Variants in MAGEC3 observed in about 807,000 individuals in gnomAD.
The protein encoded by MAGEC3 is MAGE family member C3, also known as melanoma-associated antigen C3.
A neutral mutation model predicts 35.3 loss-of-function variants in MAGEC3; 34 were observed. The ratio of observed to expected loss-of-function variants is 0.96; its 90% CI spans 0.73 to 1.28. The LOEUF (loss-of-function observed/expected upper bound fraction) is 1.28, where lower values mean the gene tolerates loss of function less well. MAGEC3 is among the 50% of genes most tolerant of loss of function. MAGEC3 has a pLI of 0.00. For missense variants in MAGEC3, 561 were observed against 483.6 expected (o/e 1.16, Z -1.50); for synonymous variants, 202 against 185.6 (o/e 1.09, Z -0.72).
At chrX:141,852,604 C>T (rs2017757894) in intron 1 of MAGEC3, among the ~76,000 whole-genome samples, 1 of 110,571 alleles carries the variant, frequency 9.0e-6, no homozygotes, top group Non-Finnish European at 1.9e-5. Flanking sequence ...GAGGGTGTTT[C>T]TCTCTATTCC....
At chrX:141,882,429 A>AG (rs1433870221) in intron 4 of MAGEC3, among the ~76,000 whole-genome samples, 1 of 112,101 alleles carries the variant, frequency 8.9e-6, no homozygotes, top group Non-Finnish European at 1.9e-5. Context: ...GTAAAAAAAA[A>AG]TGGAAAAAGC....
chrX:141,869,147 G>A (rs1203613533), intron 2 of MAGEC3, among the ~76,000 whole-genome samples: 2 of 110,908 alleles, frequency 1.8e-5, no homozygotes, highest in Non-Finnish European at 3.8e-5. Context: ...GTCTCCCAAA[G>A]TGCTGGGATT....
intron 4 of MAGEC3, among the ~76,000 whole-genome samples, chrX:141,884,154 G>T (rs1252349741): frequency 8.8e-6 from 1 of 113,018 alleles, no homozygotes; most frequent in Non-Finnish European, 1.9e-5. Flanking sequence ...GTCTGTGAGG[G>T]TGTTGCCAAA....
chrX:141,847,819 C>T (rs1420919633), intron 1 of MAGEC3, among the ~76,000 whole-genome samples: 1 of 110,398 alleles, frequency 9.1e-6, no homozygotes, highest in African/African-American at 3.3e-5. Context: ...AAAAGAAGAG[C>T]AAATTAAATC....
rs2017952051 is a variant in MAGEC3 at position 141,880,150 on chromosome X, G to A, written c.515+719G>A. On this transcript the variant is annotated intron_variant, in intron 3 of 7. Coordinates refer to ENST00000298296, the MANE Select transcript of MAGEC3 (RefSeq NM_138702.1). ...CAGGGAGCTGCCTCCAGTTGGCAGA[G>A]GGAAGATTCCCAGGCCCTGCTGGGG... Among the ~76,000 whole-genome samples the A allele has an allele frequency of 3.6e-5, 4 of 111,584 alleles. No individual in the cohort carries two copies. In the South Asian group the frequency reaches 1.5e-3, roughly 42 times the overall value.
At chrX:141,866,923 T>C (rs908337217) in intron 2 of MAGEC3, among the ~76,000 whole-genome samples, 2 of 111,582 alleles carry the variant, frequency 1.8e-5, no homozygotes, top group Non-Finnish European at 3.8e-5. Context: ...GAAATAGACA[T>C]TCACAAAACA....
intron 2 of MAGEC3, among the ~76,000 whole-genome samples, chrX:141,869,204 G>T (rs973659400): frequency 9.0e-6 from 1 of 111,377 alleles, no homozygotes; most frequent in African/African-American, 3.3e-5. Context: ...TTTTTTAAAG[G>T]AGAGCATACC....
In MAGEC3 at chrX:141,846,206, GT is replaced by G. The variant is rs11414468; in HGVS notation, c.123+7783del. Among the ~76,000 whole-genome samples the G allele has an allele frequency of 7.2e-3, 668 of 92,539 alleles. 2 individuals carry two copies. The highest frequency in any genetic ancestry group is 0.016 in the African/African-American group (426 of 26,019). The allele number at this position is 92,539 out of a possible 115,157, so 80.4% of individuals were successfully genotyped here. A position where few individuals can be genotyped will look rare whatever the true frequency, so the allele number is the denominator to read the frequency against. ...AAATTCTTGTTGCTTCCTCACCAGT[GT>G]TTTTTTTTTTTTTTAAATAAATGTG... On this transcript the variant is annotated intron_variant, in intron 1 of 7. Transcript: ENST00000298296.
At chrX:141,893,609 CATA>C (rs1361612582) in intron 4 of MAGEC3, among the ~76,000 whole-genome samples, 2 of 103,125 alleles carry the variant, frequency 1.9e-5, no homozygotes, top group African/African-American at 3.7e-5. Context: ...GCAAACATGC[CATA>C]ATAATACAAA....
intron 4 of MAGEC3, among the ~76,000 whole-genome samples, chrX:141,894,136 A>G (rs1033730759): frequency 8.9e-6 from 1 of 111,821 alleles, no homozygotes; most frequent in Non-Finnish European, 1.9e-5. Context: ...CATAGTTGCT[A>G]GAGTCTTTGG....
At chrX:141,865,996 G>T (rs1250276868) in intron 2 of MAGEC3, among the ~76,000 whole-genome samples, 1 of 111,033 alleles carries the variant, frequency 9.0e-6, no homozygotes, top group Non-Finnish European at 1.9e-5. Context: ...GATATCCTTG[G>T]TGTGAGGAAG....
Position 141,897,029 on chromosome X carries a change from T to G in MAGEC3, c.1271T>G (p.Leu424Trp). 8.3e-7 allele frequency: 1 copy of G among 1,211,212 alleles called. No homozygotes were observed. The highest frequency in any genetic ancestry group is 1.1e-6 in the Non-Finnish European group (1 of 895,346). Reference sequence around the variant, plus strand: ...CTAGACTCCTGCTCATCCCCTCTTTTGTGGACCCGATTGGATGAGGAGTCC... The same window carrying G: ...CTAGACTCCTGCTCATCCCCTCTTTGGTGGACCCGATTGGATGAGGAGTCC... ...SPLDSCSSPL[L>W]WTRLDEESSS... Residue 424 changes from leucine (L) to tryptophan (W), a missense_variant, in exon 7 of 8, where the codon TTG becomes TGG. Physicochemically the swap from Leu to Trp is moderately conservative, Grantham distance 61 (BLOSUM62 -2). Transcript: ENST00000298296.
At chrX:141,843,240 T>C (rs2017696618) in intron 1 of MAGEC3, among the ~76,000 whole-genome samples, 1 of 110,886 alleles carries the variant, frequency 9.0e-6, no homozygotes, top group Non-Finnish European at 1.9e-5. Flanking sequence ...GATTGGAGGG[T>C]TGATCTGAGT....
In MAGEC3 at chrX:141,881,629, C is replaced by T; in HGVS notation, c.742C>T (p.His248Tyr). ...TTCCCTGACAGAAGTGGACCCCGAC[C>T]ATTTCTATGTCTTTGTAAACACATT... The part of the protein sequence containing the change: ...GISLTEVDPD[H>Y]FYVFVNTLDL... The change falls in exon 4 of 8, where the codon CAT becomes TAT. Residue 248 changes from histidine (H) to tyrosine (Y), a missense_variant. Coordinates refer to ENST00000298296, the MANE Select transcript of MAGEC3 (RefSeq NM_138702.1). 8.3e-7 allele frequency: 1 copy of T among 1,211,493 alleles called. No individual in the cohort carries two copies. Among genetic ancestry groups the T allele is most frequent in the Non-Finnish European group, 1.1e-6 (1 of 895,385 alleles).
chrX:141,848,607 A>G (rs769065458), intron 1 of MAGEC3, among the ~76,000 whole-genome samples: 1 of 111,474 alleles, frequency 9.0e-6, no homozygotes, highest in African/African-American at 3.3e-5. Flanking sequence ...ACTACAAAGC[A>G]TAGAGAAAAG....
chrX:141,838,686 C>T (rs2017667946), intron 1 of MAGEC3: 1 of 754,344 alleles, frequency 1.3e-6, no homozygotes, highest in African/African-American at 2.3e-5. Context: ...CTCAATGCCA[C>T]TGGGCTCCAG....
At chrX:141,865,270 G>A (rs1457243945) in intron 1 of MAGEC3, among the ~76,000 whole-genome samples, 10 of 110,627 alleles carry the variant, frequency 9.0e-5, no homozygotes, top group African/African-American at 3.3e-4. Flanking sequence ...TTTTATTTTT[G>A]AGGCATCTTT....
At chrX:141,867,807 A>G (rs1248210125) in intron 2 of MAGEC3, among the ~76,000 whole-genome samples, 1 of 112,320 alleles carries the variant, frequency 8.9e-6, no homozygotes, top group African/African-American at 3.2e-5. Flanking sequence ...TTTATTAAAA[A>G]TGTTTTAATA....
intron 1 of MAGEC3, among the ~76,000 whole-genome samples, chrX:141,843,239 G>T: frequency 9.0e-6 from 1 of 111,330 alleles, no homozygotes; most frequent in East Asian, 2.8e-4. Flanking sequence ...TGATTGGAGG[G>T]TTGATCTGAG....
Sources: allele counts gnomAD v4.1 joint callset (sites outside exome capture counted in the v4.1 genomes callset), GRCh38; gene constraint gnomAD v4.1.1; transcripts MANE v1.5; gene names NCBI Gene and HGNC (gene_info 2026-07-23, HGNC 2026-07-21).